Variants in TMEM132B observed in about 807,000 individuals in gnomAD.
TMEM132B encodes the protein transmembrane protein 132B.
A neutral mutation model predicts 90.8 loss-of-function variants in TMEM132B; 18 were observed. The observed-to-expected ratio is 0.20, with a 90% CI of 0.14 to 0.29. The LOEUF (loss-of-function observed/expected upper bound fraction) is 0.29. Among genes scored for constraint, TMEM132B ranks in the 10% least tolerant of loss-of-function variants. The pLI is 1.00. For synonymous variants in TMEM132B, 504 were observed against 523.3 expected (o/e 0.96, Z 0.50); for missense variants, 1,096 against 1,326.8 (o/e 0.83, Z 2.70).
At position 125,657,285 on chromosome 12, in the gene TMEM132B, A is replaced by G. The variant is rs1887088604; in HGVS notation, c.*2575A>G. The G allele has an allele frequency of 6.6e-6, 1 of 152,062 alleles. No individual in the cohort carries two copies. The highest frequency in any genetic ancestry group is 2.4e-5 in the African/African-American group (1 of 41,376). The allele number at this position is 152,062 out of a possible 1,614,324, so 9.4% of individuals were successfully genotyped here. A position where few individuals can be genotyped will look rare whatever the true frequency, so the allele number is the denominator to read the frequency against. On this transcript the variant is annotated 3_prime_UTR_variant, in exon 9 of 9. Coordinates refer to ENST00000682704, the MANE Select transcript of TMEM132B (RefSeq NM_001366854.1). Reference sequence around the variant, plus strand: ...AGGCCATGGGGGAAGGGTTCCTTCCACCATATAACCCACACCCAGATGTAT... The same window carrying G: ...AGGCCATGGGGGAAGGGTTCCTTCCGCCATATAACCCACACCCAGATGTAT...
intron 5 of TMEM132B, among the ~76,000 whole-genome samples, chr12:125,619,140 G>A (rs1277931765): frequency 6.6e-6 from 1 of 152,014 alleles, no homozygotes; most frequent in Non-Finnish European, 1.5e-5. Flanking sequence ...GGCTGTTTTT[G>A]AAACAGCTAA....
chr12:125,534,059 C>T (rs2136704431), intron 4 of TMEM132B, among the ~76,000 whole-genome samples: 1 of 152,302 alleles, frequency 6.6e-6, no homozygotes, highest in Admixed American at 6.5e-5. Context: ...CGGCGAACTT[C>T]ATACTTCACG....
intron 4 of TMEM132B, among the ~76,000 whole-genome samples, chr12:125,576,996 G>A (rs1048668900): frequency 2.0e-5 from 3 of 150,328 alleles, no homozygotes; most frequent in Non-Finnish European, 4.4e-5. Flanking sequence ...GGGTAATACT[G>A]GCCTCATAGA....
In TMEM132B at chr12:125,502,325, G is replaced by A. The variant is rs377582258; in HGVS notation, c.1107-17114G>A. Among the ~76,000 whole-genome samples the A allele has an allele frequency of 1.5e-3, 229 of 152,302 alleles. 1 individual carries two copies. The highest frequency in any genetic ancestry group is 5.4e-3 in the African/African-American group (224 of 41,572). On this transcript the variant is annotated intron_variant, in intron 3 of 8. Coordinates refer to ENST00000682704, the MANE Select transcript of TMEM132B (RefSeq NM_001366854.1). ...AACAAACCACCCCCAAATCTCAGTG[G>A]TTTAAAACTACAAAGGTTTATTTCT...
intron 3 of TMEM132B, among the ~76,000 whole-genome samples, chr12:125,418,920 G>C (rs1051331756): frequency 6.6e-6 from 1 of 152,182 alleles, no homozygotes; most frequent in Non-Finnish European, 1.5e-5. Flanking sequence ...GTTCAGAACA[G>C]ATAACACTGA....
chr12:125,199,595 C>T (rs1873008514), intron 1 of TMEM132B, among the ~76,000 whole-genome samples: 1 of 152,138 alleles, frequency 6.6e-6, no homozygotes, highest in South Asian at 2.1e-4. Context: ...AGTGAAGAGA[C>T]TTAAAATAGT....
intron 1 of TMEM132B, among the ~76,000 whole-genome samples, chr12:125,309,072 A>G (rs1214373548): frequency 6.6e-6 from 1 of 152,136 alleles, no homozygotes; most frequent in African/African-American, 2.4e-5. Context: ...CCATCATGTC[A>G]TGATTTATTT....
At chr12:125,237,534 C>T (rs541371796) in intron 1 of TMEM132B, among the ~76,000 whole-genome samples, 13 of 152,306 alleles carry the variant, frequency 8.5e-5, no homozygotes, top group East Asian at 5.8e-4. Flanking sequence ...TTGCAACCTC[C>T]GCCTCCTGGG....
intron 2 of TMEM132B, among the ~76,000 whole-genome samples, chr12:125,390,654 AGCTG>A (rs1248160993): frequency 3.3e-5 from 5 of 152,222 alleles, no homozygotes; most frequent in Admixed American, 6.5e-5. Context: ...TTCTGGAGGA[AGCTG>A]GCTGCCATGT....
intron 2 of TMEM132B, among the ~76,000 whole-genome samples, chr12:125,413,073 A>G (rs1188289327): frequency 6.6e-6 from 1 of 151,998 alleles, no homozygotes; most frequent in Non-Finnish European, 1.5e-5. Context: ...AGGCAGAAAC[A>G]TTTCATTTTC....
At chr12:125,626,517 T>A (rs1298921980) in intron 5 of TMEM132B, among the ~76,000 whole-genome samples, 1 of 152,168 alleles carries the variant, frequency 6.6e-6, no homozygotes, top group Non-Finnish European at 1.5e-5. Context: ...TAAGCTTTTG[T>A]CTAAAAAAAT....
chr12:125,255,115 G>T (rs1321433268), intron 1 of TMEM132B, among the ~76,000 whole-genome samples: 1 of 152,168 alleles, frequency 6.6e-6, no homozygotes, highest in Non-Finnish European at 1.5e-5. Flanking sequence ...GCATTTCAGT[G>T]GGGGTTGCCG....
At chr12:125,598,864 C>T (rs997690424) in intron 5 of TMEM132B, among the ~76,000 whole-genome samples, 2 of 152,050 alleles carry the variant, frequency 1.3e-5, no homozygotes, top group African/African-American at 2.4e-5. Flanking sequence ...TTAGAAGCAA[C>T]TTAGGGGAAG....
At chr12:125,332,515 T>C (rs2136206648) in intron 1 of TMEM132B, among the ~76,000 whole-genome samples, 1 of 151,288 alleles carries the variant, frequency 6.6e-6, no homozygotes, top group Non-Finnish European at 1.5e-5. Context: ...CTGCATTTCT[T>C]CATAGCTCTG....
At position 125,445,321 on chromosome 12, in the gene TMEM132B, T is replaced by A. The variant is rs562609544; in HGVS notation, c.1106+29644T>A. Among the ~76,000 whole-genome samples the A allele has an allele frequency of 1.3e-3, 194 of 152,368 alleles. 1 individual carries two copies. The highest frequency in any genetic ancestry group is 2.3e-3 in the Non-Finnish European group (159 of 68,038). ...AGACCTTAGGCATAGAACCCCTTGC[T>A]GCCCCAGTCTCTTCATTTGTAAATT... On this transcript the variant is annotated intron_variant, in intron 3 of 8. Transcript: ENST00000682704. The surrounding 1 kb of genome is among the most constrained non-coding windows in gnomAD (Gnocchi z 4.3).
At chr12:125,345,130 A>AGACCTGGT (rs1389063540) in intron 1 of TMEM132B, among the ~76,000 whole-genome samples, 1 of 152,174 alleles carries the variant, frequency 6.6e-6, no homozygotes, top group Admixed American at 6.5e-5. Flanking sequence ...TGTTTTTCAA[A>AGACCTGGT]GACCTGGTGA....
At chr12:125,611,333 T>G (rs998013195) in intron 5 of TMEM132B, among the ~76,000 whole-genome samples, 5 of 152,086 alleles carry the variant, frequency 3.3e-5, no homozygotes, top group African/African-American at 1.2e-4. Flanking sequence ...GTATCAATTT[T>G]GTTGATATTT....
intron 5 of TMEM132B, among the ~76,000 whole-genome samples, chr12:125,618,800 A>T (rs1566091084): frequency 6.6e-6 from 1 of 152,216 alleles, no homozygotes; most frequent in African/African-American, 2.4e-5. Context: ...TAATAATGTT[A>T]TAGGTGATAT....
intron 1 of TMEM132B, among the ~76,000 whole-genome samples, chr12:125,279,145 A>G (rs188341498): frequency 6.6e-6 from 1 of 152,228 alleles, no homozygotes; most frequent in Non-Finnish European, 1.5e-5. Context: ...TCAGCTGATC[A>G]CATGTCCTTC....
Sources: gnomAD v4.1 joint callset for allele counts (sites outside exome capture counted in the v4.1 genomes callset) on GRCh38, gnomAD v4.1.1 for gene constraint, Gnocchi (gnomAD v3.1) non-coding constraint, MANE v1.5 for transcripts, NCBI Gene and HGNC (gene_info 2026-07-23, HGNC 2026-07-21) for gene names.